Variants in GOLPH3 observed in about 807,000 individuals in gnomAD.
The protein encoded by GOLPH3 is coat protein GPP34.
Under a neutral mutation model 28.5 loss-of-function variants are expected in GOLPH3, and 14 were observed. The observed-to-expected ratio is 0.49, with a 90% CI of 0.32 to 0.77. GOLPH3 has a LOEUF of 0.77. GOLPH3 is among the 30% of genes least tolerant of loss of function. The pLI is 0.03. For missense variants in GOLPH3, 350 were observed against 393.7 expected (o/e 0.89, Z 0.94); for synonymous variants, 158 against 159.2 (o/e 0.99, Z 0.06).
At chr5:32,144,835 T>TA (rs1052356608) in intron 1 of GOLPH3, among the ~76,000 whole-genome samples, 1 of 152,202 alleles carries the variant, frequency 6.6e-6, no homozygotes, top group African/African-American at 2.4e-5. Flanking sequence ...CAGGACACTT[T>TA]AACAGCAAAC....
rs1746919812 is a variant in GOLPH3, at chr5:32,174,103, C to T, written c.-69G>A. 4 of 1,094,402 alleles carry T rather than the reference C, an allele frequency of 3.7e-6. No homozygotes were observed. The highest frequency in any genetic ancestry group is 4.6e-6 in the Non-Finnish European group (4 of 863,266). 67.8% of individuals were successfully genotyped at this position (1,094,402 alleles called of 1,614,324 possible). A position where few individuals can be genotyped will look rare whatever the true frequency, so the allele number is the denominator to read the frequency against. On this transcript the variant is annotated 5_prime_UTR_variant, in exon 1 of 4. Coordinates refer to ENST00000265070, the MANE Select transcript of GOLPH3 (RefSeq NM_022130.4). ...CCGACCGGGTCGCCCTCCTCCTCCC[C>T]GCGCGGCCTCCGATCCGGGTTTCCG...
At chr5:32,142,458 G>C (rs1333135329) in intron 2 of GOLPH3, among the ~76,000 whole-genome samples, 1 of 148,336 alleles carries the variant, frequency 6.7e-6, no homozygotes, top group Non-Finnish European at 1.5e-5. Context: ...CAGCCACCTC[G>C]TCCGGGAGGG....
rs55709281 is a variant in GOLPH3 at position 32,169,230 on chromosome 5, C to A, written c.225+4580G>T. ...CCAAGAGGTTGAGGCTGCAGTGAGC[C>A]AAGATCGCACCACTGCACTCCAGCC... On this transcript the variant is annotated intron_variant, in intron 1 of 3. Transcript: ENST00000265070. Among the ~76,000 whole-genome samples the A allele has an allele frequency of 7.0e-3, 1,062 of 152,150 alleles. 6 individuals carry two copies. Among genetic ancestry groups the A allele is most frequent in the Middle Eastern group, 0.021 (6 of 292 alleles).
intron 2 of GOLPH3, among the ~76,000 whole-genome samples, chr5:32,140,034 A>G (rs1235122391): frequency 6.6e-6 from 1 of 152,178 alleles, no homozygotes; most frequent in Non-Finnish European, 1.5e-5. Context: ...AGGGCAAAAG[A>G]TATCAGAAAT....
intron 1 of GOLPH3, among the ~76,000 whole-genome samples, chr5:32,168,610 A>C (rs568432280): frequency 2.0e-5 from 3 of 152,318 alleles, no homozygotes; most frequent in Admixed American, 6.5e-5. Context: ...GACTGGAAAA[A>C]AACAGTGCCA....
At chr5:32,140,166 A>T (rs1746024219) in intron 2 of GOLPH3, among the ~76,000 whole-genome samples, 1 of 152,124 alleles carries the variant, frequency 6.6e-6, no homozygotes, top group South Asian at 2.1e-4. Flanking sequence ...GGATAACAGA[A>T]GATCCCAAAT....
rs1227331371 is a variant in GOLPH3, at chr5:32,174,080, G to T, written c.-46C>A. The T allele has an allele frequency of 4.1e-6, 5 of 1,212,726 alleles. No individual in the cohort carries two copies. In the African/African-American group the frequency reaches 7.9e-5, roughly 19 times the overall value. 75.1% of individuals were successfully genotyped at this position (1,212,726 alleles called of 1,614,324 possible). ...GCCGGGCCGAGAGGGTCGCAGGACC[G>T]ACCGGGTCGCCCTCCTCCTCCCCGC... On this transcript the variant is annotated 5_prime_UTR_variant, in exon 1 of 4. Coordinates refer to ENST00000265070, the MANE Select transcript of GOLPH3 (RefSeq NM_022130.4).
chr5:32,138,295 A>T (rs1272940421), intron 2 of GOLPH3, among the ~76,000 whole-genome samples: 1 of 152,248 alleles, frequency 6.6e-6, no homozygotes, highest in Non-Finnish European at 1.5e-5. Context: ...AATTAAAAAT[A>T]TATACATACA....
At chr5:32,156,603 C>T (rs1746433763) in intron 1 of GOLPH3, among the ~76,000 whole-genome samples, 2 of 152,050 alleles carry the variant, frequency 1.3e-5, no homozygotes, top group Non-Finnish European at 2.9e-5. Context: ...CAATTTTTTC[C>T]ACGGACTGGA....
At chr5:32,166,047 C>T (rs1746702061) in intron 1 of GOLPH3, among the ~76,000 whole-genome samples, 1 of 152,198 alleles carries the variant, frequency 6.6e-6, no homozygotes, top group African/African-American at 2.4e-5. Context: ...CTTTGAGTAT[C>T]TAATGAAAGT....
At chr5:32,147,238 G>A (rs1032357554) in intron 1 of GOLPH3, among the ~76,000 whole-genome samples, 20 of 152,050 alleles carry the variant, frequency 1.3e-4, no homozygotes, top group African/African-American at 4.8e-4. Flanking sequence ...GCAAAAAAAA[G>A]GGAATAAACT....
chr5:32,135,522 C>T (rs781397654), intron 3 of GOLPH3, 50 bp downstream of exon 3: 12 of 1,125,824 alleles, frequency 1.1e-5, no homozygotes, highest in Middle Eastern at 2.0e-4. Context: ...ATTTAAACTT[C>T]GCAATCTTTT....
At chr5:32,152,681 C>T (rs1424734657) in intron 1 of GOLPH3, among the ~76,000 whole-genome samples, 1 of 151,268 alleles carries the variant, frequency 6.6e-6, no homozygotes, top group East Asian at 2.0e-4. Context: ...ATTAAGGAGG[C>T]TGAGGCAGGA....
chr5:32,164,876 A>C (rs1036674921), intron 1 of GOLPH3, among the ~76,000 whole-genome samples: 8 of 150,292 alleles, frequency 5.3e-5, no homozygotes, highest in Non-Finnish European at 7.4e-5. Flanking sequence ...ATATTAGCTT[A>C]CTTAATAAGG....
chr5:32,162,932 G>C (rs1746621927), intron 1 of GOLPH3, among the ~76,000 whole-genome samples: 1 of 152,126 alleles, frequency 6.6e-6, no homozygotes, highest in Non-Finnish European at 1.5e-5. Context: ...CAAAAAATTA[G>C]CCGGGTGTGG....
chr5:32,126,329 C>A lies in GOLPH3; in HGVS notation c.780G>T (p.Gln260His), dbSNP rs1338480402. 8.1e-6 allele frequency: 13 copies of A among 1,614,190 alleles called. No individual in the cohort carries two copies. The highest frequency in any genetic ancestry group is 1.1e-5 in the Non-Finnish European group (13 of 1,180,030). Residue 260 changes from glutamine (Q) to histidine (H), a missense_variant, in exon 4 of 4, where the codon CAG becomes CAT. Transcript: ENST00000265070. ...ENAFAPLLDE[Q>H]YDLATKRVRQ... Reference sequence around the variant, plus strand: ...GCACTCTCTTGGTAGCCAAATCATACTGCTCGTCCAGAAGAGGAGCAAAAG... The same window carrying A: ...GCACTCTCTTGGTAGCCAAATCATAATGCTCGTCCAGAAGAGGAGCAAAAG...
chr5:32,148,239 C>A (rs1441042389), intron 1 of GOLPH3, among the ~76,000 whole-genome samples: 1 of 152,162 alleles, frequency 6.6e-6, no homozygotes, highest in Non-Finnish European at 1.5e-5. Context: ...TATATTACTT[C>A]CATCTTTGAA....
chr5:32,137,219 A>G (rs1441981069), intron 2 of GOLPH3, among the ~76,000 whole-genome samples: 1 of 151,400 alleles, frequency 6.6e-6, no homozygotes, highest in African/African-American at 2.4e-5. Flanking sequence ...TCGGCCTCCC[A>G]AAGTGCTGGG....
chr5:32,140,642 T>A lies in GOLPH3; in HGVS notation c.357+3107A>T, dbSNP rs1008708513. Among the ~76,000 whole-genome samples the A allele has an allele frequency of 3.4e-5, 5 of 147,640 alleles. No individual in the cohort carries two copies. In the Admixed American group the frequency reaches 3.4e-4, roughly 10 times the overall value. On this transcript the variant is annotated intron_variant, in intron 2 of 3. Coordinates refer to ENST00000265070, the MANE Select transcript of GOLPH3 (RefSeq NM_022130.4). ...GGCACCAACTGCACTCCAGCCTGGG[T>A]GATAGAGTGACACTCAGTCTCAGAA...
Sources: gnomAD v4.1 joint callset for allele counts (sites outside exome capture counted in the v4.1 genomes callset) on GRCh38, gnomAD v4.1.1 for gene constraint, MANE v1.5 for transcripts, NCBI Gene and HGNC (gene_info 2026-07-23, HGNC 2026-07-21) for gene names.